CYB5R1: variants seen among roughly 807,000 people sequenced by gnomAD.
CYB5R1 encodes the protein NADH-cytochrome b5 reductase 1.
Under a neutral mutation model 37.4 loss-of-function variants are expected in CYB5R1, and 32 were observed. The observed-to-expected ratio is 0.86, with a 90% CI of 0.65 to 1.15. The LOEUF (loss-of-function observed/expected upper bound fraction) is 1.15, where lower values mean the gene tolerates loss of function less well. Ranked by LOEUF, CYB5R1 falls within the 50% of genes most tolerant of loss-of-function variation. The pLI, the probability that CYB5R1 is intolerant of heterozygous loss-of-function variation, is 0.00. For synonymous variants in CYB5R1, 159 were observed against 155.2 expected, an observed-to-expected ratio of 1.02 and a Z score of -0.18; for missense variants, 345 against 382.5, an observed-to-expected ratio of 0.90 and a Z score of 0.82.
At chr1:202,963,408 C>T in intron 7 of CYB5R1, 1 of 594,662 alleles carries the variant, frequency 1.7e-6, no homozygotes, top group Non-Finnish European at 3.0e-6. Flanking sequence ...AGTTTCTGTG[C>T]TCCAGACTAG....
At position 202,965,942 on chromosome 1, in the gene CYB5R1, G is replaced by A; in HGVS notation, c.290C>T (p.Pro97Leu). The A allele has an allele frequency of 1.2e-6, 2 of 1,614,088 alleles. No homozygotes were observed. Among genetic ancestry groups the A allele is most frequent in the Non-Finnish European group, 1.7e-6 (2 of 1,179,954 alleles). Residue 97 changes from proline (P) to leucine (L), a missense_variant, in exon 4 of 9, where the codon CCA becomes CTA. By Grantham distance (98) the Pro-to-Leu change is moderately conservative (BLOSUM62 -3). Transcript: ENST00000367249. Reference sequence around the variant, plus strand: ...CTCATCACTGGTGACAGGAGTGTATGGCCTGATGACCAGGCTGCCATCAAT... The same window carrying A: ...CTCATCACTGGTGACAGGAGTGTATAGCCTGATGACCAGGCTGCCATCAAT... ...TRIDGSLVIR[P>L]YTPVTSDEDQ... is the part of the protein sequence containing the mutation.
At chr1:202,966,449 G>T in intron 3 of CYB5R1, 79 bp downstream of exon 3, 1 of 1,495,496 alleles carries the variant, frequency 6.7e-7, no homozygotes, top group Non-Finnish European at 9.3e-7. Context: ...GGTTGAAGCA[G>T]CGTGTTTCAT....
At chr1:202,963,837 T>C (rs775664414) in intron 6 of CYB5R1, 110 bp from the exon 7 acceptor site, 9 of 583,224 alleles carry the variant, frequency 1.5e-5, no homozygotes, top group Admixed American at 7.6e-5. Flanking sequence ...ACCACTCCAC[T>C]CCATTTTCCT....
chr1:202,964,598 T>G lies in CYB5R1; in HGVS notation c.559+14A>C. 1.3e-6 allele frequency: 2 copies of G among 1,598,340 alleles called. No individual in the cohort carries two copies. The highest frequency in any genetic ancestry group is 2.7e-5 in the African/African-American group (2 of 74,658). ...CAACAATGGTGGGAGAGAAAGGCCC[T>G]CAGTGTAATGCACCTGTCCCGCCGG... On this transcript the variant is annotated intron_variant, in intron 6 of 8. Coordinates refer to ENST00000367249, the MANE Select transcript of CYB5R1 (RefSeq NM_016243.3).
In CYB5R1 at chr1:202,964,576, C is replaced by T. The variant is rs189295245; in HGVS notation, c.559+36G>A. The T allele has an allele frequency of 9.3e-6, 14 of 1,505,154 alleles. No individual in the cohort carries two copies. In the African/African-American group the frequency reaches 1.5e-4, roughly 16 times the overall value. 93.2% of individuals were successfully genotyped at this position (1,505,154 alleles called of 1,614,324 possible). On this transcript the variant is annotated intron_variant, in intron 6 of 8. Coordinates refer to ENST00000367249, the MANE Select transcript of CYB5R1 (RefSeq NM_016243.3). ...TAGGAATTTGCATGGCAACAGTCAA[C>T]AATGGTGGGAGAGAAAGGCCCTCAG... is the stretch of plus-strand genomic sequence containing the variant.
At chr1:202,965,532 G>T (rs1655072361) in intron 4 of CYB5R1, 32 bp from the exon 5 acceptor site, 1 of 1,552,762 alleles carries the variant, frequency 6.4e-7, no homozygotes. Context: ...TACCTTATTT[G>T]GAATGTCACT....
At chr1:202,967,023 C>T (rs111673520) in intron 1 of CYB5R1, 125 bp from the exon 2 acceptor site, 5 of 1,438,928 alleles carry the variant, frequency 3.5e-6, no homozygotes, top group Non-Finnish European at 4.7e-6. Context: ...GAGGGGTAAC[C>T]TGGCGGAGTC....
rs201726705 is a variant in CYB5R1, at chr1:202,966,740, C to T, written c.165+9G>A. 2.7e-4 allele frequency: 440 copies of T among 1,613,662 alleles called. No individual in the cohort carries two copies. The highest frequency in any genetic ancestry group is 9.9e-4 in the Middle Eastern group (6 of 6,056). ...CTCCTTCACCCTGGCCCTTTCTTCCCCAACTTACCGTCTTGTCTAGCAGTC... is the reference window on the plus strand; with the variant it reads ...CTCCTTCACCCTGGCCCTTTCTTCCTCAACTTACCGTCTTGTCTAGCAGTC... On this transcript the variant is annotated intron_variant, in intron 2 of 8. Transcript: ENST00000367249.
In CYB5R1 at chr1:202,962,570, A is replaced by G. The variant is rs1558019808; in HGVS notation, c.875T>C (p.Leu292Ser). 23 of 1,613,486 alleles carry G rather than the reference A, an allele frequency of 1.4e-5. No individual in the cohort carries two copies. The highest frequency in any genetic ancestry group is 1.7e-4 in the Middle Eastern group (1 of 6,054). Residue 292 changes from leucine to serine, a missense_variant, in exon 9 of 9, where the codon TTG (leucine) becomes TCG (serine). By Grantham distance (145) the Leu-to-Ser change is moderately radical. Transcript: ENST00000367249. ...PMVQLACHPN[L>S]DKLGYSQKMR... ...CTTTTGTGAGTAGCCCAGTTTGTCC[A>G]AGTTGGGATGGCAGGCCAGCTGCAC...
chr1:202,962,418 T>C lies in CYB5R1; in HGVS notation c.*109A>G. The C allele has an allele frequency of 1.5e-6, 2 of 1,330,258 alleles. No homozygotes were observed. The highest frequency in any genetic ancestry group is 4.6e-5 in the Admixed American group (2 of 43,134). 82.4% of individuals were successfully genotyped at this position (1,330,258 alleles called of 1,614,324 possible). A position where few individuals can be genotyped will look rare whatever the true frequency, so the allele number is the denominator to read the frequency against. ...GTACTATCCAGATTTCAGCTCTAGA[T>C]GTAACTGAAAAAACCTGAAACTCTG... On this transcript the variant is annotated 3_prime_UTR_variant, in exon 9 of 9. Coordinates refer to ENST00000367249, the MANE Select transcript of CYB5R1 (RefSeq NM_016243.3).
intron 4 of CYB5R1, among the ~76,000 whole-genome samples, 167 bp downstream of exon 4, chr1:202,965,720 C>T (rs777524113): frequency 6.1e-4 from 92 of 151,946 alleles, no homozygotes; most frequent in Non-Finnish European, 1.1e-3. Context: ...GCAACCTCCG[C>T]CTCCTGGGTT....
Position 202,967,224 on chromosome 1 carries a change from C to G in CYB5R1, c.-19G>C. ...TCCCCATGACGGAGCGCCTTTTCCT[C>G]CACCACCTGACAAGCCGACAGATCC... On this transcript the variant is annotated 5_prime_UTR_variant, in exon 1 of 9. Coordinates refer to ENST00000367249, the MANE Select transcript of CYB5R1 (RefSeq NM_016243.3). The G allele has an allele frequency of 1.9e-6, 3 of 1,610,900 alleles. No homozygotes were observed. Among genetic ancestry groups the G allele is most frequent in the Non-Finnish European group, 1.7e-6 (2 of 1,178,788 alleles).
Position 202,965,074 on chromosome 1 carries a change from C to T in CYB5R1, c.475+297G>A, listed in dbSNP as rs181848574. 134 of 396,774 alleles carry T rather than the reference C, an allele frequency of 3.4e-4. No homozygotes were observed. In the East Asian group the frequency reaches 6.4e-3, roughly 19 times the overall value. The allele number at this position is 396,774 out of a possible 1,614,324, so 24.6% of individuals were successfully genotyped here. On this transcript the variant is annotated intron_variant, in intron 5 of 8. Transcript: ENST00000367249. ...GAAGGGCTGAAAGCTATCTCTGGCT[C>T]ACTCCACAGCTCACCCAGGGGGGCA...
intron 1 of CYB5R1, 121 bp from the exon 2 acceptor site, chr1:202,967,019 T>C: frequency 6.9e-7 from 1 of 1,444,038 alleles, no homozygotes. Flanking sequence ...GGCAGAGGGG[T>C]AACCTGGCGG....
intron 4 of CYB5R1, 100 bp from the exon 5 acceptor site, chr1:202,965,600 G>T: frequency 6.7e-6 from 8 of 1,194,222 alleles, no homozygotes; most frequent in Non-Finnish European, 8.2e-6. Flanking sequence ...GATCAGATAT[G>T]TGCTATCTTT....
intron 6 of CYB5R1, 169 bp downstream of exon 6, chr1:202,964,443 T>C (rs1655046802): frequency 1.6e-6 from 1 of 622,130 alleles, no homozygotes; most frequent in Non-Finnish European, 2.9e-6. Flanking sequence ...TTTTGGTTTC[T>C]ACCTGCTTAT....
chr1:202,965,856 G>A (rs756209030), intron 4 of CYB5R1, 31 bp downstream of exon 4: 2 of 1,441,646 alleles, frequency 1.4e-6, no homozygotes, highest in Non-Finnish European at 1.9e-6. Flanking sequence ...GAATGGGTAA[G>A]CAGCCCCTGG....
intron 5 of CYB5R1, 58 bp downstream of exon 5, chr1:202,965,313 G>A: frequency 6.6e-7 from 1 of 1,513,222 alleles, no homozygotes; most frequent in Non-Finnish European, 8.8e-7. Flanking sequence ...ACTGTGCCAA[G>A]AGGACTATGG....
At position 202,962,521 on chromosome 1, in the gene CYB5R1, G is replaced by C; in HGVS notation, c.*6C>G. On this transcript the variant is annotated 3_prime_UTR_variant, in exon 9 of 9. Transcript: ENST00000367249. ...AGCGAACAGCACCAGGGAAGCTGGA[G>C]GATGCTCAGTAGGTGAATCGCATCT... The C allele has an allele frequency of 3.8e-6, 6 of 1,599,748 alleles. No homozygotes were observed. The highest frequency in any genetic ancestry group is 5.1e-6 in the Non-Finnish European group (6 of 1,171,304).
Sources: allele counts gnomAD v4.1 joint callset (sites outside exome capture counted in the v4.1 genomes callset), GRCh38; gene constraint gnomAD v4.1.1; transcripts MANE v1.5; gene names NCBI Gene and HGNC (gene_info 2026-07-23, HGNC 2026-07-21).